ERICH1: variants seen among roughly 807,000 people sequenced by gnomAD.
The protein encoded by ERICH1 is glutamate-rich protein 1.
Under a neutral mutation model 39.6 loss-of-function variants are expected in ERICH1, and 56 were observed. That is an observed-to-expected ratio of 1.41 (90% CI 1.14 to 1.77). The LOEUF (loss-of-function observed/expected upper bound fraction) is 1.77. Ranked by LOEUF, ERICH1 falls within the 40% of genes most tolerant of loss-of-function variation. The probability of loss-of-function intolerance (pLI) is 0.00; values close to 1 mark genes in which losing one functional copy is unlikely to be tolerated. For missense variants in ERICH1, 826 were observed against 575.4 expected (o/e 1.44, Z -4.45); for synonymous variants, 313 against 223.6 (o/e 1.40, Z -3.57).
chr8:652,159 G>A (rs950437195), intron 3 of ERICH1, among the ~76,000 whole-genome samples: 5 of 152,144 alleles, frequency 3.3e-5, no homozygotes, highest in African/African-American at 7.2e-5. Context: ...CCCCATCGAC[G>A]CCTTCCCTGA....
At chr8:719,841 T>C (rs949348799) in intron 1 of ERICH1, among the ~76,000 whole-genome samples, 1 of 152,202 alleles carries the variant, frequency 6.6e-6, no homozygotes, top group African/African-American at 2.4e-5. Context: ...CGGATATACT[T>C]TGTTGCTCAA....
chr8:720,849 C>T (rs914896166), intron 1 of ERICH1, among the ~76,000 whole-genome samples: 4 of 152,142 alleles, frequency 2.6e-5, no homozygotes, highest in South Asian at 2.1e-4. Context: ...TGGAGGTCAC[C>T]GTATCTGCTC....
At chr8:623,712 T>G (rs1386278313) in intron 3 of ERICH1, among the ~76,000 whole-genome samples, 1 of 152,160 alleles carries the variant, frequency 6.6e-6, no homozygotes, top group Admixed American at 6.5e-5. Context: ...AACATGAAGT[T>G]GAACCCCTTT....
intron 2 of ERICH1, among the ~76,000 whole-genome samples, chr8:697,871 G>A (rs1810715035): frequency 6.6e-6 from 1 of 152,236 alleles, no homozygotes; most frequent in Admixed American, 6.5e-5. Context: ...TGAGCCCCTG[G>A]GAGAGGCCAT....
At chr8:701,570 G>C (rs1812152663) in intron 2 of ERICH1, among the ~76,000 whole-genome samples, 1 of 152,232 alleles carries the variant, frequency 6.6e-6, no homozygotes, top group African/African-American at 2.4e-5. Context: ...GGAAACTGCA[G>C]CGTCAGGTGA....
intron 1 of ERICH1, among the ~76,000 whole-genome samples, chr8:728,380 C>T (rs1040446790): frequency 6.6e-5 from 10 of 152,178 alleles, no homozygotes; most frequent in East Asian, 1.9e-4. Flanking sequence ...ACCTGGTCAA[C>T]GCCAGATGCA....
At chr8:719,975 G>A (rs988178414) in intron 1 of ERICH1, among the ~76,000 whole-genome samples, 1 of 151,140 alleles carries the variant, frequency 6.6e-6, no homozygotes, top group African/African-American at 2.4e-5. Flanking sequence ...AGGTACCGCA[G>A]GCTCATCTTG....
chr8:681,533 G>A (rs998393874), intron 3 of ERICH1, among the ~76,000 whole-genome samples: 1 of 152,186 alleles, frequency 6.6e-6, no homozygotes, highest in Non-Finnish European at 1.5e-5. Context: ...GAACTTGAAG[G>A]AACAAAACGC....
chr8:716,424 G>A (rs1034656954), intron 1 of ERICH1, among the ~76,000 whole-genome samples: 13 of 152,256 alleles, frequency 8.5e-5, no homozygotes, highest in Non-Finnish European at 1.8e-4. Context: ...TTGGAGCCAG[G>A]TGAGTGAATG....
chr8:685,992 C>CAA (rs33933491), intron 3 of ERICH1, among the ~76,000 whole-genome samples: 1 of 128,476 alleles, frequency 7.8e-6, no homozygotes, highest in Non-Finnish European at 1.6e-5. Context: ...TAAAAAATAC[C>CAA]AAAAAAAAAA....
chr8:709,448 C>T (rs1252751992), intron 2 of ERICH1, among the ~76,000 whole-genome samples: 1 of 152,216 alleles, frequency 6.6e-6, no homozygotes, highest in Non-Finnish European at 1.5e-5. Flanking sequence ...ATTGGCACCT[C>T]CACCTGGACA....
At position 723,562 on chromosome 8, in the gene ERICH1, C is replaced by A. The variant is rs1181850683; in HGVS notation, c.23-7555G>T. Among the ~76,000 whole-genome samples, 4 of 152,196 alleles carry A rather than the reference C, an allele frequency of 2.6e-5. No homozygotes were observed. The South Asian group carries it at 6.2e-4, about 24-fold the overall frequency. On this transcript the variant is annotated intron_variant, in intron 1 of 5. Transcript: ENST00000262109. ...AAAACCACAAAACACACACAAACCACATTATTTCATCAGTTTAGAGAAAAT... is the reference window on the plus strand; with the variant it reads ...AAAACCACAAAACACACACAAACCAAATTATTTCATCAGTTTAGAGAAAAT...
At chr8:727,722 C>G (rs757898821) in intron 1 of ERICH1, among the ~76,000 whole-genome samples, 11 of 152,210 alleles carry the variant, frequency 7.2e-5, no homozygotes, top group Non-Finnish European at 1.2e-4. Flanking sequence ...GCCTTCCCTA[C>G]AGAAGGCCCA....
intron 3 of ERICH1, among the ~76,000 whole-genome samples, chr8:617,605 T>G (rs1168320533): frequency 1.3e-5 from 2 of 151,370 alleles, no homozygotes; most frequent in East Asian, 3.9e-4. Context: ...GCTCCATCTG[T>G]TCTCACTGCC....
In ERICH1 at chr8:631,673, C is replaced by G. The variant is rs948259705; in HGVS notation, c.977-16389G>C. Among the ~76,000 whole-genome samples, 17 of 152,242 alleles carry G rather than the reference C, an allele frequency of 1.1e-4. No homozygotes were observed. The South Asian group carries it at 3.1e-3, about 28-fold the overall frequency. ...ATATACACAACATAAAATTTACCAC[C>G]AGAGCCCTTTTTCAGTGTGCTGTTC... is the stretch of plus-strand genomic sequence containing the variant. On this transcript the variant is annotated intron_variant, in intron 3 of 3. Transcript: ENST00000522706.
chr8:651,623 A>G (rs1213567606), intron 3 of ERICH1, among the ~76,000 whole-genome samples: 4 of 151,110 alleles, frequency 2.6e-5, no homozygotes, highest in African/African-American at 7.3e-5. Flanking sequence ...TAAGCCAGAG[A>G]GAGAGCTGGT....
chr8:731,194 G>C lies in ERICH1; in HGVS notation c.-33C>G, dbSNP rs890362756. 6.7e-7 allele frequency: 1 copy of C among 1,487,024 alleles called. No individual in the cohort carries two copies. The highest frequency in any genetic ancestry group is 8.9e-7 in the Non-Finnish European group (1 of 1,120,750). 92.1% of individuals were successfully genotyped at this position (1,487,024 alleles called of 1,614,324 possible). On this transcript the variant is annotated 5_prime_UTR_variant, in exon 1 of 6. Transcript: ENST00000262109. Reference sequence around the variant, plus strand: ...CCTGCCGCGGACCTCAGACCACGGCGCGCGGTCCTGAGCTGAGCGCCGTGC... The same window carrying C: ...CCTGCCGCGGACCTCAGACCACGGCCCGCGGTCCTGAGCTGAGCGCCGTGC...
At chr8:632,001 C>T (rs565815407) in intron 3 of ERICH1, among the ~76,000 whole-genome samples, 1 of 152,284 alleles carries the variant, frequency 6.6e-6, no homozygotes, top group South Asian at 2.1e-4. Context: ...TCCTATGCTG[C>T]TTAGAACTCC....
At chr8:632,479 T>C (rs996005156) in intron 3 of ERICH1, among the ~76,000 whole-genome samples, 1 of 152,242 alleles carries the variant, frequency 6.6e-6, no homozygotes, top group African/African-American at 2.4e-5. Flanking sequence ...AAATTCAATG[T>C]TTTTTATTTC....
Sources: allele counts gnomAD v4.1 joint callset (sites outside exome capture counted in the v4.1 genomes callset), GRCh38; gene constraint gnomAD v4.1.1; transcripts MANE v1.5; gene names NCBI Gene and HGNC (gene_info 2026-07-23, HGNC 2026-07-21).